Variants in NFAT5 observed in about 807,000 individuals in gnomAD.
NFAT5 encodes nuclear factor of activated T-cells 5.
Under a neutral mutation model 166.5 loss-of-function variants are expected in NFAT5, and 31 were observed. The observed-to-expected ratio is 0.19, with a 90% confidence interval of 0.14 to 0.25. NFAT5 has a LOEUF of 0.25. NFAT5 is among the 10% of genes least tolerant of loss of function. NFAT5 has a pLI of 1.00. For missense variants in NFAT5, 1,449 were observed against 1,821.8 expected, an observed-to-expected ratio of 0.80 and a Z score of 3.72; for synonymous variants, 612 against 639.7, an observed-to-expected ratio of 0.96 and a Z score of 0.65.
intron 10 of NFAT5, among the ~76,000 whole-genome samples, chr16:69,682,481 T>G (rs13335149): frequency 0.29 from 43,262 of 149,538 alleles, 6,832 homozygotes; most frequent in African/African-American, 0.41. Context: ...TAAGCTGAGC[T>G]TGGTGGCATG....
intron 2 of NFAT5, among the ~76,000 whole-genome samples, chr16:69,579,694 G>T (rs2031541523): frequency 6.6e-6 from 1 of 152,078 alleles, no homozygotes; most frequent in Non-Finnish European, 1.5e-5. Flanking sequence ...ATTGAGAACA[G>T]ATGCACAGAA....
rs140162890 is a variant in NFAT5 at position 69,699,156 on chromosome 16, A to G, written c.*2805A>G. On this transcript the variant is annotated 3_prime_UTR_variant, in exon 15 of 15. Transcript: ENST00000349945. ...TTTCTAAGAGATTACATAGGAGACTAAAGAAATCTATCTGTTCAAGTTCTA... is the reference window on the plus strand; with the variant it reads ...TTTCTAAGAGATTACATAGGAGACTGAAGAAATCTATCTGTTCAAGTTCTA... 7 of 153,018 alleles carry G rather than the reference A, an allele frequency of 4.6e-5. No individual in the cohort carries two copies. The highest frequency in any genetic ancestry group is 1.7e-4 in the African/African-American group (7 of 41,464). 9.5% of individuals were successfully genotyped at this position (153,018 alleles called of 1,614,324 possible).
chr16:69,616,571 C>T (rs2033953763), intron 2 of NFAT5, among the ~76,000 whole-genome samples: 1 of 152,102 alleles, frequency 6.6e-6, no homozygotes, highest in South Asian at 2.1e-4. Context: ...TAGGCAGACC[C>T]CCTGTGCATC....
At chr16:69,664,377 G>A (rs570811570) in intron 7 of NFAT5, among the ~76,000 whole-genome samples, 8 of 152,096 alleles carry the variant, frequency 5.3e-5, no homozygotes, top group South Asian at 4.1e-4. Flanking sequence ...CTCCACCTCC[G>A]GGGTTCACAC....
intron 2 of NFAT5, among the ~76,000 whole-genome samples, chr16:69,621,870 G>A (rs778495359): frequency 2.0e-5 from 3 of 152,124 alleles, no homozygotes; most frequent in East Asian, 1.9e-4. Context: ...GGCTGCAGCA[G>A]GAGGATCTCT....
chr16:69,592,653 T>C (rs1428307494), intron 2 of NFAT5, among the ~76,000 whole-genome samples: 1 of 152,226 alleles, frequency 6.6e-6, no homozygotes, highest in Non-Finnish European at 1.5e-5. Context: ...ACTTATGAAA[T>C]TGATAGTTTT....
chr16:69,660,246 A>C (rs2036063699), intron 7 of NFAT5, among the ~76,000 whole-genome samples: 1 of 152,034 alleles, frequency 6.6e-6, no homozygotes, highest in African/African-American at 2.4e-5. Context: ...TGTAGTGAAA[A>C]TCCTGTCTCT....
Position 69,566,400 on chromosome 16 carries a change from C to T in NFAT5, c.73+26C>T, listed in dbSNP as rs186887156. The stretch of plus-strand genomic sequence containing the variant: ...GTGAGTCAGGCTGTGGGGGGTGGGG[C>T]GTGGGGGCGGGGAGACAGGGAGACA... On this transcript the variant is annotated intron_variant, in intron 1 of 14. Transcript: ENST00000349945. The surrounding 1 kb of genome is among the most constrained non-coding windows in gnomAD (Gnocchi z 5.7). 2 of 510,626 alleles carry T rather than the reference C, an allele frequency of 3.9e-6. No individual in the cohort carries two copies. Among genetic ancestry groups the T allele is most frequent in the Admixed American group, 3.1e-5 (1 of 32,630 alleles). The allele number at this position is 510,626 out of a possible 1,614,324, so 31.6% of individuals were successfully genotyped here.
At chr16:69,579,124 T>G (rs1597345160) in intron 2 of NFAT5, among the ~76,000 whole-genome samples, 2 of 152,166 alleles carry the variant, frequency 1.3e-5, no homozygotes, top group East Asian at 3.8e-4. Context: ...TCCGCCTGTC[T>G]CAGCCTCCCA....
At chr16:69,598,718 A>C (rs375696786) in intron 2 of NFAT5, among the ~76,000 whole-genome samples, 2 of 152,268 alleles carry the variant, frequency 1.3e-5, no homozygotes, top group South Asian at 4.1e-4. Context: ...GACATTAAAG[A>C]AATGATTATA....
chr16:69,691,722 T>A (rs746249165), intron 12 of NFAT5, 27 bp from the exon 13 acceptor site: 9 of 1,553,480 alleles, frequency 5.8e-6, no homozygotes, highest in Non-Finnish European at 7.9e-6. Flanking sequence ...TATATATTCA[T>A]AATATTTGGG....
At chr16:69,622,196 A>T (rs1448104855) in intron 2 of NFAT5, among the ~76,000 whole-genome samples, 1 of 152,176 alleles carries the variant, frequency 6.6e-6, no homozygotes, top group East Asian at 1.9e-4. Flanking sequence ...TAGAGGGAAT[A>T]TCTTTGGGGT....
At chr16:69,570,769 A>G (rs2016382083) in intron 2 of NFAT5, among the ~76,000 whole-genome samples, 1 of 152,152 alleles carries the variant, frequency 6.6e-6, no homozygotes. Context: ...ATTGTAGGCC[A>G]TGCTGCTAGA....
intron 2 of NFAT5, among the ~76,000 whole-genome samples, chr16:69,580,934 C>T (rs945269994): frequency 2.0e-5 from 3 of 152,178 alleles, no homozygotes; most frequent in South Asian, 2.1e-4. Context: ...GGATTACAGG[C>T]GTGAGCTGCC....
chr16:69,644,981 GA>G, intron 3 of NFAT5: 1 of 282,364 alleles, frequency 3.5e-6, no homozygotes, highest in South Asian at 3.3e-5. Context: ...TGAAAATGAA[GA>G]ACATAGGCTC....
rs1354029216 is a variant in NFAT5, at chr16:69,699,360, A to G, written c.*3009A>G. On this transcript the variant is annotated 3_prime_UTR_variant, in exon 15 of 15. Transcript: ENST00000349945. ...AGAACAGAATATATACCTGAACTGT[A>G]GTGGTTTGATCGGATGGAGACAGAA... 6.5e-6 allele frequency: 1 copy of G among 152,676 alleles called. No individual in the cohort carries two copies. The highest frequency in any genetic ancestry group is 1.9e-4 in the East Asian group (1 of 5,204). The allele number at this position is 152,676 out of a possible 1,614,324, so 9.5% of individuals were successfully genotyped here.
In NFAT5 at chr16:69,690,975, A is replaced by C; in HGVS notation, c.1810A>C (p.Asn604His). 6.3e-7 allele frequency: 1 copy of C among 1,599,606 alleles called. No homozygotes were observed. The highest frequency in any genetic ancestry group is 1.7e-5 in the Admixed American group (1 of 57,646). The change falls in exon 12 of 15, where the codon AAT (asparagine) becomes CAT (histidine). Residue 604 changes from asparagine to histidine, a missense_variant. Asn to His is a moderately conservative substitution (Grantham distance 68). This residue lies in a region of NFAT5 where 245 missense variants were observed against 366.6 expected (regional missense o/e 0.67). Coordinates refer to ENST00000349945, the MANE Select transcript of NFAT5 (RefSeq NM_138713.4). ...TACTGGATGTAATTTAGATAAGGTAAATATTATCCCTAATGCCCTGATGAC... is the reference window on the plus strand; with the variant it reads ...TACTGGATGTAATTTAGATAAGGTACATATTATCCCTAATGCCCTGATGAC... ...KTTGCNLDKVNIIPNALMTPL... is the reference protein window; with the variant it reads ...KTTGCNLDKVHIIPNALMTPL...
chr16:69,607,725 G>A (rs1033830290), intron 2 of NFAT5, among the ~76,000 whole-genome samples: 1 of 152,192 alleles, frequency 6.6e-6, no homozygotes, highest in African/African-American at 2.4e-5. Flanking sequence ...TTCTCAACTT[G>A]TGACTTCTTC....
intron 13 of NFAT5, 34 bp downstream of exon 13, chr16:69,694,273 T>G (rs1328213812): frequency 6.6e-7 from 1 of 1,504,764 alleles, no homozygotes; most frequent in African/African-American, 1.4e-5. Context: ...ACTTAATTGG[T>G]CATTATTATT....
Sources: allele counts gnomAD v4.1 joint callset (sites outside exome capture counted in the v4.1 genomes callset), GRCh38; gene constraint gnomAD v4.1.1; regional missense constraint gnomAD v4.1.1; non-coding constraint Gnocchi (gnomAD v3.1); transcripts MANE v1.5; gene names NCBI Gene and HGNC (gene_info 2026-07-23, HGNC 2026-07-21).